LUZP1: variants seen among roughly 807,000 people sequenced by gnomAD.
LUZP1 encodes filamin mechanobinding actin cross-linking protein.
A neutral mutation model predicts 71.3 loss-of-function variants in LUZP1; 25 were observed. The ratio of observed to expected loss-of-function variants is 0.35; its 90% CI spans 0.26 to 0.49. LUZP1 has a LOEUF of 0.49. LUZP1 is among the 20% of genes least tolerant of loss of function. LUZP1 has a pLI of 0.99. For synonymous variants in LUZP1, 481 were observed against 506.4 expected (o/e 0.95, Z 0.67); for missense variants, 1,142 against 1,300.8 (o/e 0.88, Z 1.88).
intron 2 of LUZP1, among the ~76,000 whole-genome samples, chr1:23,145,750 G>A (rs929383895): frequency 3.3e-5 from 5 of 152,030 alleles, no homozygotes; most frequent in Admixed American, 6.6e-5. Context: ...GGGGATTACC[G>A]GCGTGAGCCA....
At chr1:23,162,502 G>T (rs1462589445) in intron 2 of LUZP1, among the ~76,000 whole-genome samples, 1 of 150,512 alleles carries the variant, frequency 6.6e-6, no homozygotes, top group Non-Finnish European at 1.5e-5. Flanking sequence ...GCAGTGGCGT[G>T]ATCTCGGCTC....
intron 2 of LUZP1, among the ~76,000 whole-genome samples, chr1:23,148,238 G>A (rs1226133033): frequency 6.6e-6 from 1 of 151,932 alleles, no homozygotes; most frequent in Non-Finnish European, 1.5e-5. Context: ...TCATCTCTCT[G>A]GGCTGAATAA....
chr1:23,097,469 A>G (rs2124609389), intron 3 of LUZP1, among the ~76,000 whole-genome samples: 1 of 152,298 alleles, frequency 6.6e-6, no homozygotes, highest in East Asian at 1.9e-4. Flanking sequence ...CGTGACCAAG[A>G]CAGTTGAGAA....
At chr1:23,167,976 C>T (rs1644523699) in intron 2 of LUZP1, among the ~76,000 whole-genome samples, 1 of 151,624 alleles carries the variant, frequency 6.6e-6, no homozygotes, top group Non-Finnish European at 1.5e-5. Flanking sequence ...CGGCCCCGCT[C>T]GCCGGCGTCC....
In LUZP1 at chr1:23,099,327, G is replaced by A. The variant is rs563984783; in HGVS notation, c.-119-4947C>T. On this transcript the variant is annotated intron_variant, in intron 3 of 4. Coordinates refer to ENST00000302291, the Ensembl canonical transcript of LUZP1. Reference sequence around the variant, plus strand: ...GATACAAAGGGTCTGTGTTGCCATCGTAGTCATTGGAAGACAAATGATATA... The same window carrying A: ...GATACAAAGGGTCTGTGTTGCCATCATAGTCATTGGAAGACAAATGATATA... Among the ~76,000 whole-genome samples the A allele has an allele frequency of 1.4e-4, 22 of 152,286 alleles. No homozygotes were observed. The South Asian group carries it at 3.7e-3, about 26-fold the overall frequency.
rs139140747 is a variant in LUZP1 at position 23,089,052 on chromosome 1, T to G, written c.3074A>C (p.Glu1025Ala). ...GAGTGTACAGTCTTCCCCTTCTTCC[T>G]CCTGTGCCAATAAATAACAAAAGTG... Residue 1025 changes from glutamate (E) to alanine (A), a missense_variant and splice_region_variant, in exon 5 of 5, where the codon GAG becomes GCG. Coordinates refer to ENST00000302291, the Ensembl canonical transcript of LUZP1. The G allele has an allele frequency of 1.7e-4, 271 of 1,613,358 alleles. 2 individuals carry two copies. The East Asian group carries it at 5.7e-3, about 34-fold the overall frequency.
At chr1:23,154,544 T>C (rs1179017395) in intron 2 of LUZP1, among the ~76,000 whole-genome samples, 3 of 145,340 alleles carry the variant, frequency 2.1e-5, no homozygotes, top group Non-Finnish European at 3.0e-5. Context: ...GTCTTCTTTT[T>C]CTTTTCTTTT....
At chr1:23,145,875 CATTT>C (rs1328666855) in intron 2 of LUZP1, among the ~76,000 whole-genome samples, 5 of 152,100 alleles carry the variant, frequency 3.3e-5, no homozygotes, top group East Asian at 1.9e-4. Context: ...AAACTCAATT[CATTT>C]GAGTCAATAA....
chr1:23,105,365 T>C (rs765804), intron 3 of LUZP1, among the ~76,000 whole-genome samples: 18 of 152,206 alleles, frequency 1.2e-4, no homozygotes, highest in South Asian at 2.1e-4. Flanking sequence ...TTTTTAATAA[T>C]TGAAATATGG....
intron 3 of LUZP1, among the ~76,000 whole-genome samples, chr1:23,098,921 C>T (rs994145572): frequency 6.6e-6 from 1 of 152,202 alleles, no homozygotes; most frequent in African/African-American, 2.4e-5. Flanking sequence ...AGCCCAAGCT[C>T]AGCTCCTCAA....
chr1:23,108,647 T>C (rs922048718), intron 3 of LUZP1, among the ~76,000 whole-genome samples: 1 of 152,200 alleles, frequency 6.6e-6, no homozygotes. Flanking sequence ...CTAGTTCTAC[T>C]ACTTGTGTGA....
chr1:23,117,470 TCTCTCTCCCC>T (rs1557653687), intron 2 of LUZP1, among the ~76,000 whole-genome samples: 1 of 34,484 alleles, frequency 2.9e-5, no homozygotes, highest in Non-Finnish European at 4.6e-5. Flanking sequence ...TCTCTCTCTC[TCTCTCTCCCC>T]CCCCCCCCCC....
intron 1 of LUZP1, among the ~76,000 whole-genome samples, chr1:23,170,665 C>T (rs1469668099): frequency 6.6e-6 from 1 of 151,900 alleles, no homozygotes; most frequent in African/African-American, 2.4e-5. Context: ...CGGTGTTTCA[C>T]CATGTTGGCC....
At chr1:23,125,225 G>A (rs1055544020) in intron 2 of LUZP1, among the ~76,000 whole-genome samples, 2 of 152,098 alleles carry the variant, frequency 1.3e-5, no homozygotes, top group South Asian at 2.1e-4. Flanking sequence ...CAGTGGCATC[G>A]TTAAAATTAA....
chr1:23,111,070 T>C (rs1412316166), intron 2 of LUZP1, among the ~76,000 whole-genome samples: 1 of 151,352 alleles, frequency 6.6e-6, no homozygotes, highest in Non-Finnish European at 1.5e-5. Flanking sequence ...CATGGTGACA[T>C]GTGCCTATAA....
chr1:23,107,784 C>T (rs985952141), intron 3 of LUZP1, among the ~76,000 whole-genome samples: 6 of 152,068 alleles, frequency 3.9e-5, no homozygotes, highest in Non-Finnish European at 8.8e-5. Context: ...ACTCCAGCCT[C>T]GGCAACAGAG....
intron 2 of LUZP1, among the ~76,000 whole-genome samples, chr1:23,122,700 G>C (rs1167361358): frequency 1.3e-5 from 2 of 152,138 alleles, no homozygotes; most frequent in African/African-American, 2.4e-5. Flanking sequence ...TTATTAAAAC[G>C]GGAGTGTTCT....
Position 23,094,178 on chromosome 1 carries a change from A to T in LUZP1, c.84T>A (p.Asp28Glu). Residue 28 changes from aspartate (D) to glutamate (E), a missense_variant, in exon 4 of 5, where the codon GAT (aspartate) becomes GAA (glutamate). Coordinates refer to ENST00000302291, the Ensembl canonical transcript of LUZP1. This position sits in a 1 kb window ranked among gnomAD's most constrained non-coding sequence, Gnocchi z 4.7. ...GGTTTTTTGTGGCTTCCTCCAACTC[A>T]TCAAGGCGGCGGCTTAGACTCTGTA... 1.2e-6 allele frequency: 2 copies of T among 1,614,064 alleles called. No homozygotes were observed. Among genetic ancestry groups the T allele is most frequent in the Non-Finnish European group, 1.7e-6 (2 of 1,180,010 alleles).
At chr1:23,173,788 A>G (rs556463376) in intron 1 of LUZP1, among the ~76,000 whole-genome samples, 1 of 151,754 alleles carries the variant, frequency 6.6e-6, no homozygotes, top group Non-Finnish European at 1.5e-5. Context: ...GCATACTGCA[A>G]TAGAAAGTTC....
Sources: gnomAD v4.1 joint callset for allele counts (sites outside exome capture counted in the v4.1 genomes callset) on GRCh38, gnomAD v4.1.1 for gene constraint, Gnocchi (gnomAD v3.1) non-coding constraint, MANE v1.5 for transcripts, NCBI Gene and HGNC (gene_info 2026-07-23, HGNC 2026-07-21) for gene names.